The following COL25A1 variants were observed in gnomAD, a reference collection of about 807,000 sequenced individuals.
COL25A1 encodes the protein collagen type XXV alpha 1 chain, also known as collagen alpha-1(XXV) chain.
A neutral mutation model predicts 128.4 loss-of-function variants in COL25A1; 103 were observed. That is an observed-to-expected ratio of 0.80 (90% confidence interval 0.68 to 0.94). The LOEUF (loss-of-function observed/expected upper bound fraction) is 0.94, where lower values mean the gene tolerates loss of function less well. Among genes scored for constraint, COL25A1 ranks in the 40% least tolerant of loss-of-function variants. COL25A1 has a pLI of 0.00. For synonymous variants in COL25A1, 279 were observed against 277.2 expected (o/e 1.01, Z -0.06); for missense variants, 745 against 840.0 (o/e 0.89, Z 1.40).
At chr4:108,903,527 T>C (rs1743102573) in intron 13 of COL25A1, among the ~76,000 whole-genome samples, 1 of 152,068 alleles carries the variant, frequency 6.6e-6, no homozygotes, top group African/African-American at 2.4e-5. Flanking sequence ...CTTCCAATTT[T>C]TACTATTAAA....
intron 3 of COL25A1, among the ~76,000 whole-genome samples, chr4:109,248,375 G>A (rs1780421944): frequency 6.6e-6 from 1 of 152,046 alleles, no homozygotes; most frequent in South Asian, 2.1e-4. Context: ...GATCCTAGAA[G>A]GAGGCTGAAA....
intron 5 of COL25A1, among the ~76,000 whole-genome samples, chr4:109,039,584 C>T (rs1420681705): frequency 6.6e-6 from 1 of 152,208 alleles, no homozygotes; most frequent in African/African-American, 2.4e-5. Flanking sequence ...TGTCCTCCCA[C>T]TGCACCTTGG....
intron 3 of COL25A1, among the ~76,000 whole-genome samples, chr4:109,225,482 C>T (rs193183963): frequency 4.0e-4 from 61 of 152,150 alleles, no homozygotes; most frequent in South Asian, 1.0e-3. Context: ...GCGGAGAAAA[C>T]GGAATACTTA....
At chr4:108,868,606 A>AAAAG (rs61280631) in intron 20 of COL25A1, among the ~76,000 whole-genome samples, 8,557 of 147,004 alleles carry the variant, frequency 0.058, 326 homozygotes, top group Non-Finnish European at 0.083. Flanking sequence ...GAAAGAAAGA[A>AAAAG]AAAGAAAGAA....
intron 3 of COL25A1, among the ~76,000 whole-genome samples, chr4:109,187,542 A>C (rs1291868551): frequency 6.6e-6 from 1 of 152,220 alleles, no homozygotes; most frequent in Non-Finnish European, 1.5e-5. Flanking sequence ...AAATGCTAAA[A>C]ACAGTAGCTG....
At chr4:108,988,992 C>G (rs1442702835) in intron 6 of COL25A1, among the ~76,000 whole-genome samples, 1 of 152,224 alleles carries the variant, frequency 6.6e-6, no homozygotes, top group Admixed American at 6.5e-5. Context: ...CCACTCTATC[C>G]CACTGTGGCC....
chr4:108,924,523 T>C (rs543902175), intron 11 of COL25A1, among the ~76,000 whole-genome samples: 2 of 152,280 alleles, frequency 1.3e-5, no homozygotes, highest in Non-Finnish European at 2.9e-5. Context: ...GTTTAACTCC[T>C]CCTACTTCAG....
At chr4:108,831,649 A>C (rs990013462) in intron 32 of COL25A1, among the ~76,000 whole-genome samples, 6 of 151,526 alleles carry the variant, frequency 4.0e-5, no homozygotes, top group Non-Finnish European at 7.4e-5. Context: ...AAGGTGAGGA[A>C]AAGAAATAGT....
intron 3 of COL25A1, among the ~76,000 whole-genome samples, chr4:109,215,474 A>C (rs997369150): frequency 6.6e-6 from 1 of 152,160 alleles, no homozygotes; most frequent in East Asian, 1.9e-4. Context: ...ACTTACACTA[A>C]AACTTTTCTC....
chr4:109,077,627 A>G (rs2125990104), intron 3 of COL25A1, among the ~76,000 whole-genome samples: 1 of 152,362 alleles, frequency 6.6e-6, no homozygotes, highest in Middle Eastern at 3.4e-3. Context: ...TTTTAGCCCC[A>G]GAGCAATGGG....
rs538978114 is a variant in COL25A1 at position 108,949,690 on chromosome 4, C to T, written c.493-8253G>A. Reference sequence around the variant, plus strand: ...CTGGAACTAAAGGCGTGTGCCACCACGCCTGCTAATTTTTTTTTGCATTTT... The same window carrying T: ...CTGGAACTAAAGGCGTGTGCCACCATGCCTGCTAATTTTTTTTTGCATTTT... On this transcript the variant is annotated intron_variant, in intron 8 of 37. Transcript: ENST00000399132. Among the ~76,000 whole-genome samples the T allele has an allele frequency of 9.2e-5, 14 of 151,496 alleles. No individual in the cohort carries two copies. In the East Asian group the frequency reaches 9.7e-4, roughly 10 times the overall value.
At chr4:108,844,656 G>A (rs1044103490) in intron 29 of COL25A1, 87 bp from the exon 30 acceptor site, 22 of 1,518,874 alleles carry the variant, frequency 1.4e-5, no homozygotes, top group Non-Finnish European at 1.8e-5. Context: ...GTTCTGCTAA[G>A]GCCATTAGTA....
intron 3 of COL25A1, among the ~76,000 whole-genome samples, chr4:109,062,909 T>A (rs1274039997): frequency 1.3e-5 from 2 of 152,250 alleles, no homozygotes; most frequent in Non-Finnish European, 2.9e-5. Context: ...GAATATTTTA[T>A]GCTGAGATAA....
intron 3 of COL25A1, among the ~76,000 whole-genome samples, chr4:109,130,871 A>G (rs1459063335): frequency 2.0e-5 from 3 of 152,218 alleles, no homozygotes; most frequent in African/African-American, 7.2e-5. Context: ...TATATTGCAT[A>G]TTACTAAACC....
At chr4:109,083,226 T>A (rs1245777709) in intron 3 of COL25A1, among the ~76,000 whole-genome samples, 1 of 152,094 alleles carries the variant, frequency 6.6e-6, no homozygotes, top group Non-Finnish European at 1.5e-5. Context: ...GTGATCAATG[T>A]GATTTACTGA....
intron 31 of COL25A1, chr4:108,838,300 G>T: frequency 1.5e-6 from 1 of 678,514 alleles, no homozygotes; most frequent in South Asian, 1.8e-5. Flanking sequence ...AGTCAGGCTA[G>T]ATTTGTCTTG....
chr4:108,825,106 G>A (rs1732212603), intron 34 of COL25A1, 90 bp downstream of exon 34: 1 of 1,070,652 alleles, frequency 9.3e-7, no homozygotes, highest in Non-Finnish European at 1.4e-6. Context: ...TATATGCACA[G>A]AAAAAAAAGA....
chr4:109,002,679 T>G (rs1350343967), intron 6 of COL25A1, among the ~76,000 whole-genome samples: 1 of 152,228 alleles, frequency 6.6e-6, no homozygotes, highest in Admixed American at 6.5e-5. Context: ...ACAATGTATA[T>G]GTATGTGAAA....
intron 3 of COL25A1, among the ~76,000 whole-genome samples, chr4:109,098,411 T>C (rs576757342): frequency 1.3e-5 from 2 of 152,332 alleles, no homozygotes; most frequent in East Asian, 3.9e-4. Flanking sequence ...CAGCACCTGC[T>C]TTAATCAAGG....
Sources: gnomAD v4.1 joint callset for allele counts (sites outside exome capture counted in the v4.1 genomes callset) on GRCh38, gnomAD v4.1.1 for gene constraint, MANE v1.5 for transcripts, NCBI Gene and HGNC (gene_info 2026-07-23, HGNC 2026-07-21) for gene names.